CPNE4: variants seen among roughly 807,000 people sequenced by gnomAD.
CPNE4 encodes copine 4.
In CPNE4, 25 loss-of-function variants were observed where a neutral mutation model predicts 67.9. The ratio of observed to expected loss-of-function variants is 0.37; its 90% CI spans 0.27 to 0.51. CPNE4 has a LOEUF of 0.51. Among genes scored for constraint, CPNE4 ranks in the 20% least tolerant of loss-of-function variants. The probability of loss-of-function intolerance (pLI) is 0.93; values close to 1 mark genes in which losing one functional copy is unlikely to be tolerated. For missense variants in CPNE4, 464 were observed against 690.8 expected, an observed-to-expected ratio of 0.67 and a Z score of 3.68; for synonymous variants, 242 against 244.9, an observed-to-expected ratio of 0.99 and a Z score of 0.11.
chr3:131,599,404 C>T (rs988610204), intron 7 of CPNE4, among the ~76,000 whole-genome samples: 27 of 152,160 alleles, frequency 1.8e-4, no homozygotes, highest in Non-Finnish European at 3.7e-4. Flanking sequence ...CTGACATCAA[C>T]CTAGCTGCTA....
chr3:131,721,321 T>C (rs927019758), intron 3 of CPNE4, among the ~76,000 whole-genome samples: 6 of 75,356 alleles, frequency 8.0e-5, no homozygotes, highest in African/African-American at 2.6e-4. Flanking sequence ...TTCAAACAGA[T>C]AAAATTATCA....
intron 5 of CPNE4, 77 bp downstream of exon 5, chr3:131,696,465 G>A (rs1490932731): frequency 3.7e-6 from 5 of 1,365,338 alleles, no homozygotes; most frequent in Non-Finnish European, 3.1e-6. Context: ...GGGAAAAATA[G>A]TTGCAGGGGG....
intron 2 of CPNE4, among the ~76,000 whole-genome samples, chr3:131,831,790 C>T (rs1230160213): frequency 6.6e-6 from 1 of 152,078 alleles, no homozygotes; most frequent in East Asian, 1.9e-4. Context: ...CTTTGTCATT[C>T]AATATTTGGA....
Position 131,661,181 on chromosome 3 carries a change from G to A in CPNE4, c.681+8494C>T, listed in dbSNP as rs188553030. ...AGTTCAATGAGAAAATTTAATCAAA[G>A]TGCCCATCACAATGTCTGGTACCTG... On this transcript the variant is annotated intron_variant, in intron 7 of 15. Transcript: ENST00000429747. 1.3e-4 allele frequency among the ~76,000 whole-genome samples: 20 copies of A among 152,260 alleles called. 1 individual carries two copies. In the South Asian group the frequency reaches 2.7e-3, roughly 20 times the overall value.
At chr3:131,826,895 G>A (rs2085181995) in intron 2 of CPNE4, among the ~76,000 whole-genome samples, 1 of 152,094 alleles carries the variant, frequency 6.6e-6, no homozygotes, top group Non-Finnish European at 1.5e-5. Flanking sequence ...AAATTAGCCA[G>A]GTGTGGTGGT....
At chr3:131,912,377 G>T (rs535360675) in intron 1 of CPNE4, among the ~76,000 whole-genome samples, 1 of 152,162 alleles carries the variant, frequency 6.6e-6, no homozygotes, top group African/African-American at 2.4e-5. Flanking sequence ...CTTGTCTTAA[G>T]ACTGTGTCAA....
chr3:132,037,430 T>C (rs2074359409), upstream of CPNE4: 1 of 734,548 alleles, frequency 1.4e-6, no homozygotes, highest in Non-Finnish European at 2.3e-6. Flanking sequence ...AGCTCATCTG[T>C]ACAAATGAAG....
chr3:131,636,609 T>C (rs756257013), intron 7 of CPNE4, among the ~76,000 whole-genome samples: 11 of 152,182 alleles, frequency 7.2e-5, no homozygotes, highest in Non-Finnish European at 1.5e-4. Context: ...TCTGTGGCCC[T>C]GCACACCACC....
intron 2 of CPNE4, among the ~76,000 whole-genome samples, chr3:131,828,172 A>G (rs2085236658): frequency 6.6e-6 from 1 of 152,164 alleles, no homozygotes; most frequent in Non-Finnish European, 1.5e-5. Context: ...TATTCCCCTC[A>G]CTGCTCTTTT....
rs370953430 is a variant in CPNE4 at position 131,560,900 on chromosome 3, T to G, written c.1061+3316A>C. ...TTTAAGGCTTTTCGAATGGCTTCAA[T>G]GTACAGCCAAGGCTGAGGACCACTG... On this transcript the variant is annotated intron_variant, in intron 11 of 15. Coordinates refer to ENST00000429747, the MANE Select transcript of CPNE4 (RefSeq NM_130808.3). Among the ~76,000 whole-genome samples, 17 of 152,152 alleles carry G rather than the reference T, an allele frequency of 1.1e-4. 1 individual carries two copies. The highest frequency in any genetic ancestry group is 4.1e-4 in the African/African-American group (17 of 41,552).
intron 10 of CPNE4, among the ~76,000 whole-genome samples, chr3:131,564,596 G>C (rs958950227): frequency 1.3e-4 from 20 of 151,982 alleles, no homozygotes; most frequent in Admixed American, 1.2e-3. Context: ...ATAGGAACTT[G>C]AGATTGACAT....
At chr3:131,597,442 C>A (rs1374729864) in intron 7 of CPNE4, among the ~76,000 whole-genome samples, 1 of 152,010 alleles carries the variant, frequency 6.6e-6, no homozygotes, top group Non-Finnish European at 1.5e-5. Flanking sequence ...CACATGTAAC[C>A]CGGAACTTAA....
intron 14 of CPNE4, among the ~76,000 whole-genome samples, chr3:131,543,857 G>A (rs940395762): frequency 6.6e-6 from 1 of 152,178 alleles, no homozygotes; most frequent in Non-Finnish European, 1.5e-5. Context: ...CTTGCAGAAG[G>A]TTGCAGTGCT....
intron 11 of CPNE4, among the ~76,000 whole-genome samples, chr3:131,556,039 T>G (rs926258931): frequency 2.6e-5 from 4 of 151,972 alleles, no homozygotes; most frequent in Non-Finnish European, 5.9e-5. Flanking sequence ...TAATTAGAGC[T>G]AGAGTTCAAA....
chr3:131,615,575 A>G (rs1048265130), intron 7 of CPNE4, among the ~76,000 whole-genome samples: 2 of 152,174 alleles, frequency 1.3e-5, no homozygotes, highest in Admixed American at 6.5e-5. Flanking sequence ...AAATAATAAC[A>G]TGGTACATAA....
At chr3:131,650,777 T>C (rs940679778) in intron 7 of CPNE4, among the ~76,000 whole-genome samples, 2 of 139,840 alleles carry the variant, frequency 1.4e-5, no homozygotes, top group African/African-American at 5.9e-5. Flanking sequence ...AAAAAAATTC[T>C]ATTATTGCAT....
intron 7 of CPNE4, among the ~76,000 whole-genome samples, chr3:131,593,702 G>GTTTT (rs928387380): frequency 6.6e-6 from 1 of 151,468 alleles, no homozygotes; most frequent in African/African-American, 2.4e-5. Context: ...CAGGACTATG[G>GTTTT]TTTGTTTGTT....
chr3:131,716,635 A>T (rs1490896067), intron 3 of CPNE4, among the ~76,000 whole-genome samples: 1 of 151,976 alleles, frequency 6.6e-6, no homozygotes, highest in Admixed American at 6.6e-5. Flanking sequence ...TCTTCCCATC[A>T]TTTCCTAGAT....
intron 2 of CPNE4, among the ~76,000 whole-genome samples, chr3:131,836,818 C>T (rs1046808953): frequency 6.6e-6 from 1 of 152,096 alleles, no homozygotes; most frequent in African/African-American, 2.4e-5. Flanking sequence ...ATTTGCAAGT[C>T]ATATGTCCAA....
Sources: gnomAD v4.1 joint callset for allele counts (sites outside exome capture counted in the v4.1 genomes callset) on GRCh38, gnomAD v4.1.1 for gene constraint, MANE v1.5 for transcripts, NCBI Gene and HGNC (gene_info 2026-07-23, HGNC 2026-07-21) for gene names.